The following STAB2 variants were observed in gnomAD, a reference collection of about 807,000 sequenced individuals.
STAB2 encodes the protein stabilin 2, also known as stabilin-2.
Under a neutral mutation model 338.1 loss-of-function variants are expected in STAB2, and 288 were observed. The ratio of observed to expected loss-of-function variants is 0.85; its 90% CI spans 0.77 to 0.94. STAB2 has a LOEUF of 0.94. STAB2 is among the 40% of genes least tolerant of loss of function. STAB2 has a pLI of 0.00. For synonymous variants in STAB2, 1,202 were observed against 1,193.3 expected, an observed-to-expected ratio of 1.01 and a Z score of -0.15; for missense variants, 3,141 against 3,210.1, an observed-to-expected ratio of 0.98 and a Z score of 0.52.
intron 25 of STAB2, among the ~76,000 whole-genome samples, chr12:103,681,250 G>C (rs1264119054): frequency 6.6e-6 from 1 of 152,050 alleles, no homozygotes; most frequent in Non-Finnish European, 1.5e-5. Flanking sequence ...GTAAATAATT[G>C]CATTCATTTT....
chr12:103,678,695 T>A (rs1876614370), intron 25 of STAB2, among the ~76,000 whole-genome samples: 1 of 151,824 alleles, frequency 6.6e-6, no homozygotes, highest in South Asian at 2.1e-4. Context: ...CCTGGCTAAT[T>A]TTGTTTTTGT....
At chr12:103,743,716 G>A (rs766817161) in intron 56 of STAB2, among the ~76,000 whole-genome samples, 4 of 152,208 alleles carry the variant, frequency 2.6e-5, no homozygotes, top group Non-Finnish European at 5.9e-5. Context: ...GTAGATAGTG[G>A]ACAGTGCAGA....
intron 5 of STAB2, among the ~76,000 whole-genome samples, chr12:103,625,505 C>T (rs546994975): frequency 4.5e-4 from 69 of 152,330 alleles, no homozygotes; most frequent in African/African-American, 1.6e-3. Flanking sequence ...AGCTATCCCT[C>T]CTCCTTCCCC....
rs185321386 is a variant in STAB2, at chr12:103,667,724, A to G, written c.2086-919A>G. ...CATATAGCTAATATTTTAGGATTTT[A>G]TAGCCTAGGAAAGTCTCATTGCCCT... On this transcript the variant is annotated intron_variant, in intron 19 of 68. Coordinates refer to ENST00000388887, the MANE Select transcript of STAB2 (RefSeq NM_017564.10). Among the ~76,000 whole-genome samples the G allele has an allele frequency of 1.8e-4, 28 of 152,328 alleles. 1 individual carries two copies. In the East Asian group the frequency reaches 4.8e-3, roughly 26 times the overall value.
intron 1 of STAB2, 75 bp from the exon 2 acceptor site, chr12:103,590,822 A>C (rs1337675298): frequency 6.4e-7 from 1 of 1,563,964 alleles, no homozygotes; most frequent in Non-Finnish European, 8.8e-7. Context: ...TCCAGTGGAG[A>C]AGATTGGCCA....
chr12:103,722,381 C>T (rs1276120697), intron 44 of STAB2, among the ~76,000 whole-genome samples: 1 of 152,204 alleles, frequency 6.6e-6, no homozygotes, highest in Non-Finnish European at 1.5e-5. Context: ...GAGAAGAGAA[C>T]TGACCACTGC....
In STAB2 at chr12:103,692,793, C is replaced by T. The variant is rs1371031030; in HGVS notation, c.3298-19C>T. ...CGCTCTATAAAGACTCATCTTCCCA[C>T]TGTGGTTTGCATTTACAGAATATCA... On this transcript the variant is annotated intron_variant, in intron 30 of 68. Transcript: ENST00000388887. The T allele has an allele frequency of 6.2e-7, 1 of 1,606,704 alleles. No homozygotes were observed. The highest frequency in any genetic ancestry group is 1.3e-5 in the African/African-American group (1 of 74,700).
chr12:103,625,933 C>T (rs1957374547), intron 5 of STAB2, among the ~76,000 whole-genome samples: 1 of 152,190 alleles, frequency 6.6e-6, no homozygotes, highest in Non-Finnish European at 1.5e-5. Flanking sequence ...GGAATCGCCA[C>T]ACTGACTTCC....
intron 22 of STAB2, among the ~76,000 whole-genome samples, chr12:103,672,391 G>A (rs185950640): frequency 6.6e-5 from 10 of 152,350 alleles, no homozygotes; most frequent in Admixed American, 5.9e-4. Flanking sequence ...CTGGGATGGG[G>A]CGGTGGCCTT....
chr12:103,704,554 C>G lies in STAB2; in HGVS notation c.3844-4C>G, dbSNP rs1227659268. Reference sequence around the variant, plus strand: ...TACATTGATTGCTTTTGTGTTTTACCAAGGGAAGATGTAGGACATGCTCCT... The same window carrying G: ...TACATTGATTGCTTTTGTGTTTTACGAAGGGAAGATGTAGGACATGCTCCT... On this transcript the variant is annotated splice_region_variant and splice_polypyrimidine_tract_variant and intron_variant, in intron 35 of 68. Coordinates refer to ENST00000388887, the MANE Select transcript of STAB2 (RefSeq NM_017564.10). 6.2e-7 allele frequency: 1 copy of G among 1,612,086 alleles called. No homozygotes were observed. The highest frequency in any genetic ancestry group is 1.1e-5 in the South Asian group (1 of 90,556).
chr12:103,749,095 C>A lies in STAB2; in HGVS notation c.6377C>A (p.Pro2126His). 1 of 1,613,926 alleles carries A rather than the reference C, an allele frequency of 6.2e-7. No homozygotes were observed. The highest frequency in any genetic ancestry group is 8.5e-7 in the Non-Finnish European group (1 of 1,179,912). ...GGGCACAGCTGCACAGAGATAGACC[C>A]CTGTGCAGACGGCCTTAACGGAGGG... The part of the protein sequence containing the change: ...GDGHSCTEID[P>H]CADGLNGGCH... Residue 2126 changes from proline to histidine, a missense_variant, in exon 59 of 69, where the codon CCC (proline) becomes CAC (histidine). Coordinates refer to ENST00000388887, the MANE Select transcript of STAB2 (RefSeq NM_017564.10).
intron 3 of STAB2, among the ~76,000 whole-genome samples, chr12:103,595,136 A>G (rs1956856439): frequency 6.6e-6 from 1 of 152,216 alleles, no homozygotes; most frequent in Non-Finnish European, 1.5e-5. Flanking sequence ...GATAGCTGAA[A>G]TTGAACTTTT....
In STAB2 at chr12:103,670,772, C is replaced by T. The variant is rs1362587393; in HGVS notation, c.2336C>T (p.Ser779Phe). ...CAAGGCTCCCAGTGTCAGTTCTGCT[C>T]TGATCCCAATAAATACGGACCTCGG... ...GFQGSQCQFC[S>F]DPNKYGPRCN... is the part of the protein sequence containing the mutation. The change falls in exon 22 of 69, where the codon TCT becomes TTT. Residue 779 changes from serine to phenylalanine, a missense_variant. Transcript: ENST00000388887. The T allele has an allele frequency of 6.2e-7, 1 of 1,614,150 alleles. No homozygotes were observed. The highest frequency in any genetic ancestry group is 1.7e-5 in the Admixed American group (1 of 60,022).
At chr12:103,714,487 C>G (rs1352008987) in intron 42 of STAB2, among the ~76,000 whole-genome samples, 1 of 152,132 alleles carries the variant, frequency 6.6e-6, no homozygotes, top group Non-Finnish European at 1.5e-5. Context: ...ATCATAAGGT[C>G]AGGAGTTCGA....
intron 61 of STAB2, among the ~76,000 whole-genome samples, chr12:103,754,717 A>T (rs1883962013): frequency 6.6e-6 from 1 of 152,182 alleles, no homozygotes; most frequent in African/African-American, 2.4e-5. Flanking sequence ...TGGGAGCCAG[A>T]GGCGGGTGGA....
In STAB2 at chr12:103,761,260, C is replaced by T. The variant is rs200603740; in HGVS notation, c.7249-40C>T. 553 of 1,586,132 alleles carry T rather than the reference C, an allele frequency of 3.5e-4. 2 individuals carry two copies. Among genetic ancestry groups the T allele is most frequent in the East Asian group, 1.1e-3 (50 of 44,740 alleles). The stretch of plus-strand genomic sequence containing the variant: ...TTCCCTCCATGGAGGGCTGCCCACT[C>T]GGAGAGTAAAAGCCATCAACCCTCT... On this transcript the variant is annotated intron_variant, in intron 65 of 68. Coordinates refer to ENST00000388887, the MANE Select transcript of STAB2 (RefSeq NM_017564.10).
At chr12:103,702,354 A>G (rs1878966084) in intron 34 of STAB2, among the ~76,000 whole-genome samples, 1 of 150,188 alleles carries the variant, frequency 6.7e-6, no homozygotes, top group Non-Finnish European at 1.5e-5. Context: ...TGCGGACTGC[A>G]GTGGTGCGAT....
At chr12:103,613,635 C>T (rs7978002) in intron 3 of STAB2, among the ~76,000 whole-genome samples, 48,907 of 152,010 alleles carry the variant, frequency 0.32, 10,031 homozygotes, top group African/African-American at 0.58. Flanking sequence ...TTGCACTTCC[C>T]GGGCGAGGCA....
chr12:103,746,308 T>A (rs79223513), intron 57 of STAB2: 4,003 of 245,586 alleles, frequency 0.016, 40 homozygotes, highest in Non-Finnish European at 0.024. Flanking sequence ...TCATTCCTGC[T>A]AATAAGTTTT....
Sources: allele counts gnomAD v4.1 joint callset (sites outside exome capture counted in the v4.1 genomes callset), GRCh38; gene constraint gnomAD v4.1.1; transcripts MANE v1.5; gene names NCBI Gene and HGNC (gene_info 2026-07-23, HGNC 2026-07-21).